The following MROH2A variants were observed in gnomAD, a reference collection of about 807,000 sequenced individuals.
The protein encoded by MROH2A is maestro heat like repeat family member 2A.
A neutral mutation model predicts 200.4 loss-of-function variants in MROH2A; 174 were observed. The ratio of observed to expected loss-of-function variants is 0.87; its 90% CI spans 0.77 to 0.98. MROH2A has a LOEUF of 0.98. Among genes scored for constraint, MROH2A ranks in the 50% least tolerant of loss-of-function variants. The pLI, the probability that MROH2A is intolerant of heterozygous loss-of-function variation, is 0.00. For synonymous variants in MROH2A, 829 were observed against 840.4 expected, an observed-to-expected ratio of 0.99 and a Z score of 0.23; for missense variants, 2,045 against 2,139.6, an observed-to-expected ratio of 0.96 and a Z score of 0.87.
At position 233,795,703 on chromosome 2, in the gene MROH2A, C is replaced by G. The variant is rs966697059; in HGVS notation, c.1017C>G (p.Pro339=). The change falls in exon 9 of 42, where the codon CCC becomes CCG. Residue 339 remains proline, a synonymous_variant. Coordinates refer to ENST00000389758, the MANE Select transcript of MROH2A (RefSeq NM_001394639.1). ...ELSVTTNTPV[P]QMQLHTIFTE... Reference sequence around the variant, plus strand: ...CAGTCACCACCAACACCCCTGTCCCCCAAATGCAGCTACACACCATTTTCA... The same window carrying G: ...CAGTCACCACCAACACCCCTGTCCCGCAAATGCAGCTACACACCATTTTCA... 1 of 1,551,042 alleles carries G rather than the reference C, an allele frequency of 6.4e-7. No individual in the cohort carries two copies. Among genetic ancestry groups the G allele is most frequent in the African/African-American group, 1.4e-5 (1 of 73,040 alleles).
intron 5 of MROH2A, among the ~76,000 whole-genome samples, chr2:233,792,368 A>T (rs186222302): frequency 2.0e-5 from 3 of 147,650 alleles, no homozygotes; most frequent in Non-Finnish European, 3.0e-5. Flanking sequence ...GCTGGAGTGC[A>T]GTGGCGCGAT....
At chr2:233,798,957 C>T in intron 12 of MROH2A, 107 bp downstream of exon 12, 1 of 896,476 alleles carries the variant, frequency 1.1e-6, no homozygotes, top group Admixed American at 2.1e-5. Flanking sequence ...GAAAACCCGG[C>T]TTTCCATCGG....
In MROH2A at chr2:233,807,297, G is replaced by A. The variant is rs551614980; in HGVS notation, c.2053-126G>A. The A allele has an allele frequency of 1.2e-5, 13 of 1,041,412 alleles. No individual in the cohort carries two copies. Among genetic ancestry groups the A allele is most frequent in the South Asian group, 1.0e-4 (6 of 57,284 alleles). The allele number at this position is 1,041,412 out of a possible 1,614,324, so 64.5% of individuals were successfully genotyped here. Reference sequence around the variant, plus strand: ...ACTTGTGAATTGTGCTGCTGTAAACGTGTGTGCAAGTATCTTCTGCACATT... The same window carrying A: ...ACTTGTGAATTGTGCTGCTGTAAACATGTGTGCAAGTATCTTCTGCACATT... On this transcript the variant is annotated intron_variant, in intron 19 of 41. Transcript: ENST00000389758. The surrounding 1 kb of genome is among the most constrained non-coding windows in gnomAD (Gnocchi z 4.3).
chr2:233,799,269 C>T (rs1702307020), intron 12 of MROH2A, among the ~76,000 whole-genome samples: 1 of 152,194 alleles, frequency 6.6e-6, no homozygotes. Context: ...GAGCTTGGTT[C>T]TGGCCATGGG....
chr2:233,818,162 G>T, intron 28 of MROH2A, 37 bp downstream of exon 28: 1 of 1,547,114 alleles, frequency 6.5e-7, no homozygotes. Flanking sequence ...AGCTCCTCTG[G>T]GAGGGAGAGA....
chr2:233,802,280 A>T lies in MROH2A; in HGVS notation c.1673A>T (p.Asp558Val). 1 of 1,550,472 alleles carries T rather than the reference A, an allele frequency of 6.4e-7. No individual in the cohort carries two copies. Among genetic ancestry groups the T allele is most frequent in the Non-Finnish European group, 8.7e-7 (1 of 1,146,838 alleles). The part of the protein sequence containing the change: ...NLAEHQLHGQ[D>V]VDVSVAGKSR... ...GCAGAACACCAGCTCCATGGCCAGG[A>T]TGTGGATGTCAGCGTGGCTGGCAAG... The change falls in exon 15 of 42, where the codon GAT becomes GTT. Residue 558 changes from aspartate to valine, a missense_variant. By Grantham distance (152) the Asp-to-Val change is radical. Around this residue, in one of 3 missense-constraint regions of MROH2A, gnomAD observed 831 missense variants for 800.0 expected, o/e 1.04. Coordinates refer to ENST00000389758, the MANE Select transcript of MROH2A (RefSeq NM_001394639.1).
At chr2:233,803,882 C>T (rs1702630121) in intron 16 of MROH2A, among the ~76,000 whole-genome samples, 169 bp from the exon 17 acceptor site, 1 of 152,130 alleles carries the variant, frequency 6.6e-6, no homozygotes, top group African/African-American at 2.4e-5. Flanking sequence ...TAGCCCCCAT[C>T]CCCCATCCTT....
In MROH2A at chr2:233,795,998, A is replaced by G; in HGVS notation, c.1091A>G (p.Tyr364Cys). The G allele has an allele frequency of 6.4e-7, 1 of 1,550,596 alleles. No individual in the cohort carries two copies. The highest frequency in any genetic ancestry group is 1.2e-5 in the South Asian group (1 of 84,060). ...AACAAGGCCCCGGCCCAGCATCAGT[A>G]CAGCAGCCAGAATCTGATGGAGATG... is the stretch of plus-strand genomic sequence containing the variant. Reference protein sequence around the residue: ...VCNKAPAQHQYSSQNLMEMVH... With the variant: ...VCNKAPAQHQCSSQNLMEMVH... The change falls in exon 10 of 42, where the codon TAC becomes TGC. Residue 364 changes from tyrosine (Y) to cysteine (C), a missense_variant. Around this residue, in one of 3 missense-constraint regions of MROH2A, gnomAD observed 831 missense variants for 800.0 expected, o/e 1.04. Transcript: ENST00000389758.
chr2:233,830,949 G>A (rs544638316), intron 38 of MROH2A, among the ~76,000 whole-genome samples: 5 of 152,314 alleles, frequency 3.3e-5, no homozygotes, highest in South Asian at 2.1e-4. Flanking sequence ...AATGGTGACC[G>A]AGAGTGAGGA....
Position 233,823,010 on chromosome 2 carries a change from G to A in MROH2A, c.3996G>A (p.Leu1332=). Residue 1332 remains leucine, a synonymous_variant, in exon 34 of 42, where the codon CTG becomes CTA. Coordinates refer to ENST00000389758, the MANE Select transcript of MROH2A (RefSeq NM_001394639.1). ...DGGTFLEGVS[L]LARLCMQHVE... ...GGACATTCCTGGAGGGTGTGAGCCT[G>A]CTGGCCAGGTGGGCCCTGGCTCCCA... The A allele has an allele frequency of 6.5e-7, 1 of 1,550,276 alleles. No homozygotes were observed.
chr2:233,802,133 A>G, intron 14 of MROH2A, 35 bp from the exon 15 acceptor site: 1 of 1,533,910 alleles, frequency 6.5e-7, no homozygotes, highest in Admixed American at 2.0e-5. Context: ...GCTTGGGCTA[A>G]TTCTGAGCCC....
At position 233,814,634 on chromosome 2, in the gene MROH2A, T is replaced by C; in HGVS notation, c.2813T>C (p.Leu938Pro). The change falls in exon 26 of 42, where the codon CTG becomes CCG. Residue 938 changes from leucine (L) to proline (P), a missense_variant. Physicochemically the swap from Leu to Pro is moderately conservative, Grantham distance 98 (BLOSUM62 -3). Transcript: ENST00000389758. ...CTGGAGCAGCTGATGGAGAGCCTCC[T>C]GCAGAGGCAGCTGGACCCCAAGGGG... The part of the protein sequence containing the change: ...SSLEQLMESL[L>P]QRQLDPKGLQ... 6.4e-7 allele frequency: 1 copy of C among 1,550,466 alleles called. No homozygotes were observed. Among genetic ancestry groups the C allele is most frequent in the Non-Finnish European group, 8.7e-7 (1 of 1,146,908 alleles).
rs149087148 is a variant in MROH2A at position 233,801,823 on chromosome 2, C to T, written c.1561-345C>T. 3.8e-3 allele frequency among the ~76,000 whole-genome samples: 581 copies of T among 152,264 alleles called. 2 individuals are homozygous for T. Among genetic ancestry groups the T allele is most frequent in the Non-Finnish European group, 6.4e-3 (435 of 68,006 alleles). On this transcript the variant is annotated intron_variant, in intron 14 of 41. Coordinates refer to ENST00000389758, the MANE Select transcript of MROH2A (RefSeq NM_001394639.1). ...GGCATGCACAACTGGATCATCTGCCCGGGGTGCCCCTCTAGAGGACTTGGG... is the reference window on the plus strand; with the variant it reads ...GGCATGCACAACTGGATCATCTGCCTGGGGTGCCCCTCTAGAGGACTTGGG...
At chr2:233,815,211 A>G (rs1284013723) in intron 26 of MROH2A, among the ~76,000 whole-genome samples, 1 of 152,184 alleles carries the variant, frequency 6.6e-6, no homozygotes, top group African/African-American at 2.4e-5. Context: ...TGTCTTTCAT[A>G]ACCTTGGCAC....
chr2:233,822,477 C>T lies in MROH2A; in HGVS notation c.3787C>T (p.Pro1263Ser), dbSNP rs1433468419. ...LLLQLGSSHRPEAAPPVLKMW... is the reference protein window; with the variant it reads ...LLLQLGSSHRSEAAPPVLKMW... ...GCTGCAGCTTGGAAGCAGCCACCGA[C>T]CAGAGGCCGCCCCGCCGGTCTTGAA... is the stretch of plus-strand genomic sequence containing the variant. Residue 1263 changes from proline (P) to serine (S), a missense_variant, in exon 33 of 42, where the codon CCA (proline) becomes TCA (serine). Pro to Ser is a moderately conservative substitution (Grantham distance 74). This residue lies in a region of MROH2A where 1,201 missense variants were observed against 1,311.3 expected (regional missense o/e 0.92). Transcript: ENST00000389758. 2.6e-5 allele frequency: 40 copies of T among 1,550,464 alleles called. No homozygotes were observed. Among genetic ancestry groups the T allele is most frequent in the Non-Finnish European group, 3.4e-5 (39 of 1,147,028 alleles).
intron 10 of MROH2A, 36 bp from the exon 11 acceptor site, chr2:233,796,164 G>C (rs371351485): frequency 6.5e-7 from 1 of 1,527,964 alleles, no homozygotes; most frequent in Middle Eastern, 1.7e-4. Context: ...CTCTGGACCC[G>C]GTGAGCATGA....
chr2:233,795,279 T>C (rs1488135802), intron 8 of MROH2A, among the ~76,000 whole-genome samples: 2 of 152,148 alleles, frequency 1.3e-5, no homozygotes, highest in East Asian at 3.9e-4. Context: ...ATCACTCATC[T>C]ATAAGGAGGG....
At chr2:233,787,424 C>T (rs564470896) in intron 3 of MROH2A, among the ~76,000 whole-genome samples, 5 of 126,498 alleles carry the variant, frequency 4.0e-5, no homozygotes, top group African/African-American at 1.5e-4. Flanking sequence ...CACACACACA[C>T]ACACACATAT....
intron 22 of MROH2A, 96 bp downstream of exon 22, chr2:233,809,374 G>C (rs536937204): frequency 3.7e-6 from 5 of 1,349,510 alleles, no homozygotes; most frequent in Non-Finnish European, 5.1e-6. Context: ...CCTACCCAGG[G>C]GACATCCAGG....
Sources: gnomAD v4.1 joint callset for allele counts (sites outside exome capture counted in the v4.1 genomes callset) on GRCh38, gnomAD v4.1.1 for gene constraint, gnomAD v4.1.1 regional missense constraint, Gnocchi (gnomAD v3.1) non-coding constraint, MANE v1.5 for transcripts, NCBI Gene and HGNC (gene_info 2026-07-23, HGNC 2026-07-21) for gene names.